PTK2B: variants seen among roughly 807,000 people sequenced by gnomAD.
PTK2B encodes protein-tyrosine kinase 2-beta.
Under a neutral mutation model 142.9 loss-of-function variants are expected in PTK2B, and 71 were observed. That is an observed-to-expected ratio of 0.50 (90% CI 0.41 to 0.61). The LOEUF is 0.61. PTK2B is among the 20% of genes least tolerant of loss of function. The pLI is 0.00. For missense variants in PTK2B, 1,105 were observed against 1,320.4 expected (o/e 0.84, Z 2.53); for synonymous variants, 519 against 503.4 (o/e 1.03, Z -0.42).
chr8:27,348,490 G>A (rs932946419), intron 1 of PTK2B, among the ~76,000 whole-genome samples: 12 of 152,204 alleles, frequency 7.9e-5, no homozygotes, highest in South Asian at 4.1e-4. Context: ...TCTTGATGCC[G>A]TCGCCTAGTA....
rs150309368 is a variant in PTK2B at position 27,332,454 on chromosome 8, A to T, written c.-38+6773A>T. Among the ~76,000 whole-genome samples, 371 of 152,288 alleles carry T rather than the reference A, an allele frequency of 2.4e-3. 1 individual carries two copies. Among genetic ancestry groups the T allele is most frequent in the African/African-American group, 7.9e-3 (328 of 41,542 alleles). ...GACTCTGTCATACTCTGCCTGTCTG[A>T]CATCGCCAAGTGATAGAACCTCTCT... On this transcript the variant is annotated intron_variant, in intron 1 of 30. Transcript: ENST00000346049.
At chr8:27,311,937 G>A (rs923328015) in intron 1 of PTK2B, among the ~76,000 whole-genome samples, 5 of 152,126 alleles carry the variant, frequency 3.3e-5, no homozygotes, top group African/African-American at 9.7e-5. Context: ...GAGTACAATG[G>A]CTGTAATAGC....
intron 27 of PTK2B, 179 bp downstream of exon 27, chr8:27,451,688 C>A: frequency 2.1e-6 from 3 of 1,459,848 alleles, no homozygotes; most frequent in Non-Finnish European, 2.7e-6. Flanking sequence ...CCCTCCACCC[C>A]ATTCCTCTCC....
upstream of PTK2B, among the ~76,000 whole-genome samples, chr8:27,325,060 A>G (rs1803331134): frequency 6.6e-6 from 1 of 152,154 alleles, no homozygotes; most frequent in Admixed American, 6.5e-5. Flanking sequence ...CCCTAGTGGT[A>G]TTTATGATTT....
intron 1 of PTK2B, among the ~76,000 whole-genome samples, chr8:27,343,006 C>A (rs1284925139): frequency 6.6e-6 from 1 of 152,272 alleles, no homozygotes; most frequent in Non-Finnish European, 1.5e-5. Context: ...TGTGAAGCCA[C>A]CCCTGAGCTG....
At chr8:27,443,933 C>T (rs1233904688) in intron 22 of PTK2B, among the ~76,000 whole-genome samples, 1 of 152,196 alleles carries the variant, frequency 6.6e-6, no homozygotes, top group African/African-American at 2.4e-5. Context: ...GGTGCTCCCA[C>T]GTATAGGGAA....
chr8:27,400,447 T>TA lies in PTK2B; in HGVS notation c.204+2676dup, dbSNP rs61165579. 7.3e-3 allele frequency among the ~76,000 whole-genome samples: 1,002 copies of TA among 136,798 alleles called. 15 individuals are homozygous for TA. The highest frequency in any genetic ancestry group is 0.033 in the Admixed American group (452 of 13,506). 89.7% of individuals were successfully genotyped at this position (136,798 alleles called of 152,430 possible). On this transcript the variant is annotated intron_variant, in intron 2 of 30. Transcript: ENST00000346049. Reference sequence around the variant, plus strand: ...GACAGCAGAGAAAAAAGGATTGAATTAAAAAAAAAAAAAAAAACCTGGCCA... The same window carrying TA: ...GACAGCAGAGAAAAAAGGATTGAATTAAAAAAAAAAAAAAAAAACCTGGCCA...
chr8:27,405,777 A>G (rs929206956), intron 2 of PTK2B, among the ~76,000 whole-genome samples: 3 of 152,242 alleles, frequency 2.0e-5, no homozygotes, highest in African/African-American at 4.8e-5. Flanking sequence ...TGGTAGTTGC[A>G]TTGCTGAATG....
At chr8:27,384,113 G>C (rs1350131645) in intron 1 of PTK2B, among the ~76,000 whole-genome samples, 1 of 151,718 alleles carries the variant, frequency 6.6e-6, no homozygotes, top group African/African-American at 2.4e-5. Flanking sequence ...GCCTCCCAAA[G>C]TGCTGGGATT....
At chr8:27,442,089 G>A (rs572325898) in intron 21 of PTK2B, among the ~76,000 whole-genome samples, 35 of 152,266 alleles carry the variant, frequency 2.3e-4, no homozygotes, top group African/African-American at 6.5e-4. Context: ...TTTCCTAACC[G>A]TTCCAGGGAG....
At chr8:27,397,981 A>G (rs1808168714) in intron 2 of PTK2B, among the ~76,000 whole-genome samples, 193 bp downstream of exon 2, 1 of 152,224 alleles carries the variant, frequency 6.6e-6, no homozygotes, top group Admixed American at 6.5e-5. Context: ...CTACTTCTCT[A>G]GGAGCCTGGG....
intron 7 of PTK2B, among the ~76,000 whole-genome samples, 179 bp from the exon 8 acceptor site, chr8:27,430,697 C>T (rs1379774659): frequency 6.6e-6 from 1 of 152,168 alleles, no homozygotes; most frequent in South Asian, 2.1e-4. Context: ...CGTAGGGTTA[C>T]GGGGAGTCTC....
At chr8:27,397,862 T>C (rs1586235102) in intron 2 of PTK2B, 74 bp downstream of exon 2, 2 of 542,304 alleles carry the variant, frequency 3.7e-6, no homozygotes, top group East Asian at 4.1e-5. Flanking sequence ...GCAGCTCTCC[T>C]GCAGCCTCGC....
intron 1 of PTK2B, among the ~76,000 whole-genome samples, chr8:27,389,328 G>A (rs1733723719): frequency 6.6e-6 from 1 of 152,034 alleles, no homozygotes; most frequent in Non-Finnish European, 1.5e-5. Context: ...CAGGAGGGAA[G>A]ACAGGAAGAC....
chr8:27,382,769 A>G (rs1807107352), intron 1 of PTK2B, among the ~76,000 whole-genome samples: 1 of 152,110 alleles, frequency 6.6e-6, no homozygotes, highest in African/African-American at 2.4e-5. Context: ...TCTTCTGCAT[A>G]TGGTTATTCA....
chr8:27,433,375 T>C (rs879228793), intron 10 of PTK2B, 60 bp from the exon 11 acceptor site: 2 of 1,442,188 alleles, frequency 1.4e-6, no homozygotes, highest in Non-Finnish European at 1.9e-6. Context: ...TCTCCAGCCC[T>C]GGGGGTGGTC....
chr8:27,432,280 C>T lies in PTK2B; in HGVS notation c.906C>T (p.Phe302=). 6.2e-7 allele frequency: 1 copy of T among 1,614,082 alleles called. No individual in the cohort carries two copies. Among genetic ancestry groups the T allele is most frequent in the Non-Finnish European group, 8.5e-7 (1 of 1,180,014 alleles). Residue 302 remains phenylalanine, a synonymous_variant, in exon 10 of 31, where the codon TTC becomes TTT. Coordinates refer to ENST00000346049, the MANE Select transcript of PTK2B (RefSeq NM_173176.3). The part of the protein sequence containing the change: ...QDAKPTCLAE[F]KQIRSIRCLP... ...CACAGCCCACCTGCCTGGCCGAGTTCAAGCAGATCAGGTCCATCAGGTGCC... is the reference window on the plus strand; with the variant it reads ...CACAGCCCACCTGCCTGGCCGAGTTTAAGCAGATCAGGTCCATCAGGTGCC...
chr8:27,411,947 A>G (rs1389239886), intron 2 of PTK2B, among the ~76,000 whole-genome samples: 2 of 152,228 alleles, frequency 1.3e-5, no homozygotes, highest in African/African-American at 4.8e-5. Context: ...CACAGAATGC[A>G]GGAAAGTGCT....
chr8:27,354,694 GTA>G (rs1157993916), intron 1 of PTK2B, among the ~76,000 whole-genome samples: 1 of 152,200 alleles, frequency 6.6e-6, no homozygotes, highest in Non-Finnish European at 1.5e-5. Flanking sequence ...AGGGTGTGAA[GTA>G]TATGTCAATA....
Sources: gnomAD v4.1 joint callset for allele counts (sites outside exome capture counted in the v4.1 genomes callset) on GRCh38, gnomAD v4.1.1 for gene constraint, MANE v1.5 for transcripts, NCBI Gene and HGNC (gene_info 2026-07-23, HGNC 2026-07-21) for gene names.